The following BRWD3 variants were observed in gnomAD, a reference collection of about 807,000 sequenced individuals.
BRWD3 encodes the protein bromodomain and WD repeat domain containing 3.
Under a neutral mutation model 149.7 loss-of-function variants are expected in BRWD3, and 10 were observed. The observed-to-expected ratio is 0.07, with a 90% CI of 0.04 to 0.11. The LOEUF is 0.11. Among genes scored for constraint, BRWD3 ranks in the 10% least tolerant of loss-of-function variants. The probability of loss-of-function intolerance (pLI) is 1.00; values close to 1 mark genes in which losing one functional copy is unlikely to be tolerated. For synonymous variants in BRWD3, 504 were observed against 456.7 expected (o/e 1.10, Z -1.32); for missense variants, 940 against 1,373.2 (o/e 0.68, Z 4.99).
chrX:80,791,745 AGTTT>A, intron 6 of BRWD3, 105 bp downstream of exon 6: 2 of 560,962 alleles, frequency 3.6e-6, no homozygotes, highest in South Asian at 2.8e-5. Context: ...GAATGTAAAC[AGTTT>A]GTTTATGCTT....
chrX:80,694,504 G>A (rs1057275626), intron 27 of BRWD3, among the ~76,000 whole-genome samples: 1 of 110,191 alleles, frequency 9.1e-6, no homozygotes, highest in Admixed American at 9.6e-5. Flanking sequence ...GAAAAGCTGC[G>A]GACACTCAAC....
chrX:80,682,736 T>C lies in BRWD3; in HGVS notation c.4234-108A>G, dbSNP rs2072471201. On this transcript the variant is annotated intron_variant, in intron 37 of 40. Coordinates refer to ENST00000373275, the MANE Select transcript of BRWD3 (RefSeq NM_153252.5). ...TCATCATTACAGACAAAATATCTGT[T>C]CACTTGAAAAATTCTTCTCAAATAA... The C allele has an allele frequency of 1.3e-5, 10 of 771,399 alleles. No homozygotes were observed. In the South Asian group the frequency reaches 2.5e-4, roughly 19 times the overall value. 63.6% of individuals were successfully genotyped at this position (771,399 alleles called of 1,213,427 possible).
At chrX:80,781,384 C>T (rs2074055962) in intron 6 of BRWD3, among the ~76,000 whole-genome samples, 1 of 110,191 alleles carries the variant, frequency 9.1e-6, no homozygotes, top group Non-Finnish European at 1.9e-5. Flanking sequence ...CCTGATTGGT[C>T]ACGTGTGAGC....
intron 36 of BRWD3, among the ~76,000 whole-genome samples, chrX:80,685,182 A>G (rs1446902174): frequency 9.0e-6 from 1 of 111,634 alleles, no homozygotes; most frequent in Non-Finnish European, 1.9e-5. Flanking sequence ...CAATACAGAC[A>G]CAATTATATT....
In BRWD3 at chrX:80,671,827, TG is replaced by T. The variant is rs2072325613; in HGVS notation, c.*4781del. On this transcript the variant is annotated 3_prime_UTR_variant, in exon 41 of 41. Transcript: ENST00000373275. Reference sequence around the variant, plus strand: ...AAAAGGTACAGTTATGTTAATACTGTGTAAGACATTACAAAAGACAAGAATG... The same window carrying T: ...AAAAGGTACAGTTATGTTAATACTGTTAAGACATTACAAAAGACAAGAATG... 1 of 111,920 alleles carries T rather than the reference TG, an allele frequency of 8.9e-6. No homozygotes were observed. Among genetic ancestry groups the T allele is most frequent in the Non-Finnish European group, 1.9e-5 (1 of 53,164 alleles). The allele number at this position is 111,920 out of a possible 1,213,427, so 9.2% of individuals were successfully genotyped here. A position where few individuals can be genotyped will look rare whatever the true frequency, so the allele number is the denominator to read the frequency against.
chrX:80,769,618 T>C (rs958147588), intron 6 of BRWD3, among the ~76,000 whole-genome samples: 23 of 111,253 alleles, frequency 2.1e-4, no homozygotes, highest in African/African-American at 7.2e-4. Flanking sequence ...CTTACAGCAC[T>C]AAATGCCCCT....
At chrX:80,679,381 T>C (rs887274542) in intron 40 of BRWD3, among the ~76,000 whole-genome samples, 2 of 112,273 alleles carry the variant, frequency 1.8e-5, no homozygotes, top group African/African-American at 3.2e-5. Context: ...ACTAAAATAG[T>C]GAGCACAGAA....
intron 8 of BRWD3, 173 bp downstream of exon 8, chrX:80,743,859 C>A: frequency 2.5e-6 from 1 of 392,994 alleles, no homozygotes; most frequent in East Asian, 4.0e-5. Context: ...AAAAGATAAT[C>A]ATATGAAAAA....
intron 6 of BRWD3, among the ~76,000 whole-genome samples, chrX:80,766,056 T>A (rs1317501299): frequency 8.9e-6 from 1 of 112,187 alleles, no homozygotes; most frequent in Non-Finnish European, 1.9e-5. Flanking sequence ...CTAACCATTA[T>A]TCTGGGTGTT....
chrX:80,750,085 C>T (rs187830330), intron 6 of BRWD3, among the ~76,000 whole-genome samples: 2 of 111,631 alleles, frequency 1.8e-5, no homozygotes. Context: ...TGTACAAAAA[C>T]CAACTCAAAA....
chrX:80,678,033 G>A (rs1432216359), intron 40 of BRWD3, among the ~76,000 whole-genome samples: 1 of 111,113 alleles, frequency 9.0e-6, no homozygotes, highest in Non-Finnish European at 1.9e-5. Flanking sequence ...GGAGATGAGT[G>A]CCAGTGGAGA....
chrX:80,789,401 A>C (rs994681906), intron 6 of BRWD3, among the ~76,000 whole-genome samples: 1 of 111,062 alleles, frequency 9.0e-6, no homozygotes, highest in African/African-American at 3.3e-5. Flanking sequence ...TTTGAGACGG[A>C]GTCTCGCTCT....
At chrX:80,771,592 G>A (rs1241832793) in intron 6 of BRWD3, among the ~76,000 whole-genome samples, 1 of 110,929 alleles carries the variant, frequency 9.0e-6, no homozygotes, top group Non-Finnish European at 1.9e-5. Flanking sequence ...AAAAGCAATG[G>A]TAACAAAAGC....
chrX:80,714,023 TGAAATAGCCCTGCAAA>T (rs2073036873), intron 20 of BRWD3, among the ~76,000 whole-genome samples: 1 of 111,630 alleles, frequency 9.0e-6, no homozygotes, highest in Non-Finnish European at 1.9e-5. Context: ...TGCCATATCT[TGAAATAGCCCTGCAAA>T]GTTGTCTCTT....
intron 11 of BRWD3, among the ~76,000 whole-genome samples, chrX:80,733,813 A>T (rs2073368069): frequency 9.0e-6 from 1 of 111,587 alleles, no homozygotes; most frequent in Non-Finnish European, 1.9e-5. Flanking sequence ...ATTTAATAGT[A>T]GTTGCATTAA....
intron 6 of BRWD3, among the ~76,000 whole-genome samples, chrX:80,774,262 T>TTTTTTTA (rs761041102): frequency 9.0e-6 from 1 of 110,618 alleles, no homozygotes; most frequent in African/African-American, 3.3e-5. Context: ...TATTTTTTTA[T>TTTTTTTA]TTTTTTATTT....
At chrX:80,777,073 A>C (rs1255824218) in intron 6 of BRWD3, among the ~76,000 whole-genome samples, 2 of 83,677 alleles carry the variant, frequency 2.4e-5, no homozygotes, top group Non-Finnish European at 4.9e-5. Flanking sequence ...ATGCTTAAAC[A>C]AAAAAAAAAA....
chrX:80,677,740 C>T (rs1327048711), intron 40 of BRWD3, among the ~76,000 whole-genome samples: 3 of 111,604 alleles, frequency 2.7e-5, no homozygotes, highest in Non-Finnish European at 5.7e-5. Context: ...ATGAAAGGGA[C>T]AGTCCTTGCT....
rs751385781 is a variant in BRWD3, at chrX:80,704,728, A to C, written c.2671T>G (p.Leu891Val). ...KICSSSDEEN[L>V]KSLEERQKKP... ...TTCTGCCTTTCTTCTAGGGACTTCA[A>C]ATTTTCCTCATCAGAGCTGCTGCAT... The change falls in exon 23 of 41, where the codon TTG becomes GTG. Residue 891 changes from leucine to valine, a missense_variant. Physicochemically the swap from Leu to Val is conservative, Grantham distance 32. Coordinates refer to ENST00000373275, the MANE Select transcript of BRWD3 (RefSeq NM_153252.5). 1.3e-5 allele frequency: 16 copies of C among 1,209,825 alleles called. No homozygotes were observed. Among genetic ancestry groups the C allele is most frequent in the Admixed American group, 8.7e-5 (4 of 45,759 alleles).
Sources: allele counts gnomAD v4.1 joint callset (sites outside exome capture counted in the v4.1 genomes callset), GRCh38; gene constraint gnomAD v4.1.1; transcripts MANE v1.5; gene names NCBI Gene and HGNC (gene_info 2026-07-23, HGNC 2026-07-21).